RBPJ: variants seen among roughly 807,000 people sequenced by gnomAD.
The protein encoded by RBPJ is recombination signal binding protein for immunoglobulin kappa J region.
A neutral mutation model predicts 67.8 loss-of-function variants in RBPJ; 9 were observed. The ratio of observed to expected loss-of-function variants is 0.13; its 90% CI spans 0.08 to 0.23. The LOEUF is 0.23. Ranked by LOEUF, RBPJ falls within the 10% of genes least tolerant of loss-of-function variation. RBPJ has a pLI of 1.00. For synonymous variants in RBPJ, 198 were observed against 203.3 expected (o/e 0.97, Z 0.22); for missense variants, 305 against 595.6 (o/e 0.51, Z 5.08).
At chr4:26,140,412 G>C in the RBPJ span, among the ~76,000 whole-genome samples, 2 of 152,276 alleles carry the variant, frequency 1.3e-5, no homozygotes, top group South Asian at 4.1e-4. Flanking sequence ...TACATGGCTT[G>C]GTTCAGATGC....
intron 1 of RBPJ, among the ~76,000 whole-genome samples, chr4:26,192,424 C>T (rs938492977): frequency 1.3e-5 from 2 of 152,130 alleles, no homozygotes; most frequent in African/African-American, 4.8e-5. Context: ...ACACAAATTC[C>T]CCCATATACA....
intron 1 of RBPJ, among the ~76,000 whole-genome samples, chr4:26,365,750 A>G (rs919941334): frequency 6.6e-6 from 1 of 152,266 alleles, no homozygotes; most frequent in African/African-American, 2.4e-5. Flanking sequence ...ATGGTATGCC[A>G]TATCCTCTAC....
chr4:26,300,770 A>G (rs79838649), intron 1 of RBPJ, among the ~76,000 whole-genome samples: 4,885 of 152,344 alleles, frequency 0.032, 204 homozygotes, highest in African/African-American at 0.098. Context: ...CCCCTGGCTC[A>G]TAGAGGGTGT....
intron 1 of RBPJ, among the ~76,000 whole-genome samples, chr4:26,214,230 A>G (rs1273921184): frequency 7.0e-6 from 1 of 143,390 alleles, no homozygotes; most frequent in African/African-American, 2.6e-5. Context: ...AAGGAAGGAG[A>G]GAAAGAAAGA....
At chr4:26,293,048 T>C (rs1721724808) in intron 1 of RBPJ, among the ~76,000 whole-genome samples, 1 of 150,540 alleles carries the variant, frequency 6.6e-6, no homozygotes, top group Admixed American at 6.6e-5. Context: ...TGGATATAGC[T>C]GGAGCACAAG....
At chr4:26,388,029 G>A (rs564514661) in intron 2 of RBPJ, among the ~76,000 whole-genome samples, 7 of 151,994 alleles carry the variant, frequency 4.6e-5, no homozygotes, top group Non-Finnish European at 7.4e-5. Context: ...CCCTCAGAAA[G>A]GCAAAATCAA....
At chr4:26,428,135 G>A (rs949420819) in intron 7 of RBPJ, among the ~76,000 whole-genome samples, 7 of 152,172 alleles carry the variant, frequency 4.6e-5, no homozygotes, top group African/African-American at 1.7e-4. Context: ...TGTAAAATGA[G>A]TTTGATTTTG....
intron 1 of RBPJ, among the ~76,000 whole-genome samples, chr4:26,216,854 A>T (rs780003377): frequency 5.3e-5 from 8 of 152,248 alleles, no homozygotes; most frequent in Middle Eastern, 3.4e-3. Flanking sequence ...GAGCCCAGGA[A>T]GTTGAGGCTA....
At chr4:26,429,510 T>C (rs894156649) in intron 8 of RBPJ, among the ~76,000 whole-genome samples, 4 of 152,314 alleles carry the variant, frequency 2.6e-5, no homozygotes, top group Admixed American at 2.6e-4. Flanking sequence ...CTTCTAGCTG[T>C]TGCCTAAGCA....
chr4:26,385,668 C>T (rs1010096363), intron 1 of RBPJ, among the ~76,000 whole-genome samples: 1 of 152,116 alleles, frequency 6.6e-6, no homozygotes, highest in African/African-American at 2.4e-5. Context: ...GAAGTCTCAT[C>T]TCTGCCTAAT....
At chr4:26,345,331 A>G (rs914252578) in intron 1 of RBPJ, among the ~76,000 whole-genome samples, 8 of 152,208 alleles carry the variant, frequency 5.3e-5, no homozygotes, top group Non-Finnish European at 1.0e-4. Flanking sequence ...TGAGGCAGTT[A>G]AAATTTATTT....
chr4:26,377,669 A>G (rs1459360365), intron 1 of RBPJ, among the ~76,000 whole-genome samples: 1 of 152,226 alleles, frequency 6.6e-6, no homozygotes, highest in Non-Finnish European at 1.5e-5. Flanking sequence ...TGAGTCAGGC[A>G]TATATTTTCT....
At chr4:26,403,395 CTT>C (rs1364009253) in intron 2 of RBPJ, among the ~76,000 whole-genome samples, 1 of 151,852 alleles carries the variant, frequency 6.6e-6, no homozygotes, top group Non-Finnish European at 1.5e-5. Flanking sequence ...TTTTTAAAAA[CTT>C]TTATTTTAGG....
At chr4:26,362,425 T>G in intron 1 of RBPJ, 1 of 1,398,300 alleles carries the variant, frequency 7.2e-7, no homozygotes, top group Non-Finnish European at 9.4e-7. Context: ...TAAGGCCTTA[T>G]TTTTTGTTTT....
chr4:26,285,287 G>A (rs1165592519), intron 1 of RBPJ, among the ~76,000 whole-genome samples: 2 of 132,122 alleles, frequency 1.5e-5, no homozygotes, highest in Non-Finnish European at 1.5e-5. Context: ...ACTTACCATG[G>A]TGATAACTGG....
At chr4:26,185,952 A>C (rs1717236077) in intron 1 of RBPJ, among the ~76,000 whole-genome samples, 1 of 152,186 alleles carries the variant, frequency 6.6e-6, no homozygotes, top group African/African-American at 2.4e-5. Flanking sequence ...AGGCTGAGGT[A>C]GGAGAATCAC....
At chr4:26,138,910 G>T in the RBPJ span, among the ~76,000 whole-genome samples, 50 of 152,336 alleles carry the variant, frequency 3.3e-4, 1 homozygote, top group African/African-American at 1.2e-3. Context: ...GAAGTGCTAG[G>T]CAAGAAGCTG....
chr4:26,300,414 C>T (rs539361021), intron 1 of RBPJ, among the ~76,000 whole-genome samples: 23 of 152,274 alleles, frequency 1.5e-4, no homozygotes, highest in Admixed American at 1.2e-3. Flanking sequence ...GAAAGACCTT[C>T]GTATCTACAT....
chr4:26,390,032 A>G (rs1731344000), intron 2 of RBPJ, among the ~76,000 whole-genome samples: 1 of 152,226 alleles, frequency 6.6e-6, no homozygotes, highest in South Asian at 2.1e-4. Context: ...ACATAGTTAT[A>G]AAAAGTCTTA....
Sources: allele counts gnomAD v4.1 joint callset (sites outside exome capture counted in the v4.1 genomes callset), GRCh38; gene constraint gnomAD v4.1.1; transcripts MANE v1.5; gene names NCBI Gene and HGNC (gene_info 2026-07-23, HGNC 2026-07-21).